Variants in PADI6 observed in about 807,000 individuals in gnomAD.
PADI6 encodes the protein peptidyl arginine deiminase 6, also known as inactive protein-arginine deiminase type-6.
In PADI6, 66 loss-of-function variants were observed where a neutral mutation model predicts 78.2. The ratio of observed to expected loss-of-function variants is 0.84; its 90% CI spans 0.69 to 1.04. The LOEUF (loss-of-function observed/expected upper bound fraction) is 1.04. Among genes scored for constraint, PADI6 ranks in the 50% least tolerant of loss-of-function variants. The pLI is 0.00. For synonymous variants in PADI6, 397 were observed against 346.9 expected, an observed-to-expected ratio of 1.14 and a Z score of -1.60; for missense variants, 854 against 866.1, an observed-to-expected ratio of 0.99 and a Z score of 0.18.
Position 17,398,685 on chromosome 1 carries a change from G to A in PADI6, c.1690-1G>A. ...CCCCCCACCCACCCACCCACCCACAGAAGTGCATTCACCTGAACCGTGACA... is the reference window on the plus strand; with the variant it reads ...CCCCCCACCCACCCACCCACCCACAAAAGTGCATTCACCTGAACCGTGACA... On this transcript the variant is annotated splice_acceptor_variant, in intron 14 of 15. Coordinates refer to ENST00000619609, the MANE Select transcript of PADI6 (RefSeq NM_207421.4). LOFTEE classifies it high-confidence loss of function. 2.0e-6 allele frequency: 2 copies of A among 981,166 alleles called. No individual in the cohort carries two copies. The highest frequency in any genetic ancestry group is 2.5e-6 in the Non-Finnish European group (2 of 807,296). The allele number at this position is 981,166 out of a possible 1,614,324, so 60.8% of individuals were successfully genotyped here.
rs960065493 is a variant in PADI6 at position 17,380,070 on chromosome 1, G to T, written c.435+83G>T. 7.2e-6 allele frequency: 10 copies of T among 1,381,126 alleles called. No homozygotes were observed. The East Asian group carries it at 2.1e-4, about 29-fold the overall frequency. 85.6% of individuals were successfully genotyped at this position (1,381,126 alleles called of 1,614,324 possible). Reference sequence around the variant, plus strand: ...AGGCTCACTTGATCTGACCTTCCTCGTGTCTAGCCCAATTGCTGTGACATT... The same window carrying T: ...AGGCTCACTTGATCTGACCTTCCTCTTGTCTAGCCCAATTGCTGTGACATT... On this transcript the variant is annotated intron_variant, in intron 4 of 15. Transcript: ENST00000619609.
rs749881546 is a variant in PADI6 at position 17,379,905 on chromosome 1, TTTC to T, written c.368-10_368-8del. The stretch of plus-strand genomic sequence containing the variant: ...CAGGTCAAGGTGGCTGGGACACCCT[TTTC>T]TTCTGTTTCAGAGGTCTCTCTAGAG... On this transcript the variant is annotated splice_polypyrimidine_tract_variant and intron_variant, in intron 3 of 15. Coordinates refer to ENST00000619609, the MANE Select transcript of PADI6 (RefSeq NM_207421.4). The T allele has an allele frequency of 1.9e-5, 31 of 1,612,538 alleles. No homozygotes were observed. In the African/African-American group the frequency reaches 2.0e-4, roughly 10 times the overall value.
chr1:17,372,252 A>AT lies in PADI6; in HGVS notation c.7_8insT (p.Ser3MetfsTer65), dbSNP rs1264462896. ...CTGCGGTGCAGGCCTGAGGATGGTC[A>AT]GCGTGGAGGGCCGAGCCATGTCCTT... On this transcript the variant is annotated frameshift_variant, in exon 1 of 16. Transcript: ENST00000619609. LOFTEE classifies it high-confidence loss of function. The AT allele has an allele frequency of 6.2e-7, 1 of 1,613,914 alleles. No individual in the cohort carries two copies. The highest frequency in any genetic ancestry group is 1.7e-5 in the Admixed American group (1 of 60,022).
intron 4 of PADI6, among the ~76,000 whole-genome samples, chr1:17,380,474 TCTC>T (rs1431571883): frequency 2.0e-5 from 3 of 152,188 alleles, no homozygotes; most frequent in Non-Finnish European, 4.4e-5. Flanking sequence ...TTCACGCCAT[TCTC>T]CTGCCTCAGC....
At chr1:17,373,970 C>T (rs990042743) in intron 2 of PADI6, among the ~76,000 whole-genome samples, 2 of 152,108 alleles carry the variant, frequency 1.3e-5, no homozygotes, top group African/African-American at 4.8e-5. Flanking sequence ...GTGGTAGAAG[C>T]AGGTGGCTCA....
At chr1:17,381,677 AAAC>A (rs1450489537) in intron 5 of PADI6, among the ~76,000 whole-genome samples, 2 of 152,098 alleles carry the variant, frequency 1.3e-5, no homozygotes, top group African/African-American at 4.8e-5. Flanking sequence ...ACAAGACTGG[AAAC>A]AAGGTGAACC....
chr1:17,389,982 C>T (rs990196036), intron 8 of PADI6, among the ~76,000 whole-genome samples: 1 of 152,136 alleles, frequency 6.6e-6, no homozygotes, highest in African/African-American at 2.4e-5. Flanking sequence ...TGATGGAATG[C>T]TCTAGCAGGG....
At chr1:17,374,118 G>C (rs888019904) in intron 2 of PADI6, among the ~76,000 whole-genome samples, 1 of 152,078 alleles carries the variant, frequency 6.6e-6, no homozygotes, top group Non-Finnish European at 1.5e-5. Context: ...CCTGGCCGCT[G>C]GTTTAAAGCT....
intron 15 of PADI6, among the ~76,000 whole-genome samples, chr1:17,400,960 C>A (rs1477477880): frequency 6.6e-6 from 1 of 152,182 alleles, no homozygotes; most frequent in Non-Finnish European, 1.5e-5. Flanking sequence ...TGACAAGAGG[C>A]CAGAATAATC....
chr1:17,373,028 G>A, intron 1 of PADI6, 28 bp from the exon 2 acceptor site: 1 of 1,607,682 alleles, frequency 6.2e-7, no homozygotes, highest in Non-Finnish European at 8.5e-7. Flanking sequence ...TTTGTGCCCT[G>A]ACGCGTGTCT....
intron 3 of PADI6, among the ~76,000 whole-genome samples, chr1:17,376,374 A>T (rs1295643699): frequency 6.6e-6 from 1 of 151,240 alleles, no homozygotes; most frequent in Non-Finnish European, 1.5e-5. Context: ...ATCTTGGCTC[A>T]CTGCCCATTC....
chr1:17,372,974 C>A (rs1284679960), intron 1 of PADI6, 82 bp from the exon 2 acceptor site: 2 of 1,402,406 alleles, frequency 1.4e-6, no homozygotes, highest in Non-Finnish European at 2.0e-6. Flanking sequence ...GATTCGGGAG[C>A]CGTCCCCTCC....
In PADI6 at chr1:17,381,986, G is replaced by A. The variant is rs758613912; in HGVS notation, c.573G>A (p.Gln191=). The A allele has an allele frequency of 5.6e-6, 9 of 1,613,950 alleles. No homozygotes were observed. Among genetic ancestry groups the A allele is most frequent in the Non-Finnish European group, 7.6e-6 (9 of 1,179,862 alleles). The part of the protein sequence containing the change: ...IFSEEITNLS[Q]MTLNVQGPSC... ...GCCCAGAAATAACGAATCTGTCCCAGATGACTCTGAATGTCCAAGGCCCCA... is the reference window on the plus strand; with the variant it reads ...GCCCAGAAATAACGAATCTGTCCCAAATGACTCTGAATGTCCAAGGCCCCA... Residue 191 remains glutamine, a synonymous_variant, in exon 6 of 16, where the codon CAG becomes CAA. Coordinates refer to ENST00000619609, the MANE Select transcript of PADI6 (RefSeq NM_207421.4).
intron 14 of PADI6, among the ~76,000 whole-genome samples, chr1:17,397,687 C>G (rs1278735813): frequency 1.3e-5 from 2 of 152,088 alleles, no homozygotes; most frequent in African/African-American, 2.4e-5. Flanking sequence ...AACTACAAAC[C>G]CTGCAGATAG....
intron 3 of PADI6, among the ~76,000 whole-genome samples, chr1:17,378,238 A>G (rs539365888): frequency 6.6e-6 from 1 of 152,246 alleles, no homozygotes; most frequent in East Asian, 1.9e-4. Context: ...AACATGATGT[A>G]CCTGCTTGCC....
At chr1:17,376,584 G>A (rs903510645) in intron 3 of PADI6, among the ~76,000 whole-genome samples, 2 of 150,840 alleles carry the variant, frequency 1.3e-5, no homozygotes. Flanking sequence ...ATTTTTAGTG[G>A]AGACGGGATT....
chr1:17,388,733 T>C, intron 7 of PADI6, 44 bp from the exon 8 acceptor site: 1 of 1,577,846 alleles, frequency 6.3e-7, no homozygotes, highest in Non-Finnish European at 8.7e-7. Flanking sequence ...GGGGAGCGAG[T>C]AAATGTGGAA....
chr1:17,380,280 G>C (rs1296813200), intron 4 of PADI6, among the ~76,000 whole-genome samples: 1 of 152,120 alleles, frequency 6.6e-6, no homozygotes, highest in Non-Finnish European at 1.5e-5. Context: ...CATGATCTTA[G>C]CTCACTGTAA....
chr1:17,373,502 TA>T (rs55655075), intron 2 of PADI6, among the ~76,000 whole-genome samples: 34,184 of 123,512 alleles, frequency 0.28, 4,139 homozygotes, highest in East Asian at 0.47. Flanking sequence ...TATTTATTAT[TA>T]TTTTTTTTTT....
Sources: gnomAD v4.1 joint callset for allele counts (sites outside exome capture counted in the v4.1 genomes callset) on GRCh38, gnomAD v4.1.1 for gene constraint, MANE v1.5 for transcripts, NCBI Gene and HGNC (gene_info 2026-07-23, HGNC 2026-07-21) for gene names.